SLC46A1: variants seen among roughly 807,000 people sequenced by gnomAD.
The protein encoded by SLC46A1 is solute carrier family 46 member 1, also known as proton-coupled folate transporter.
Under a neutral mutation model 32.1 loss-of-function variants are expected in SLC46A1, and 17 were observed. The observed-to-expected ratio is 0.53, with a 90% CI of 0.36 to 0.79. SLC46A1 has a LOEUF of 0.79. Ranked by LOEUF, SLC46A1 falls within the 30% of genes least tolerant of loss-of-function variation. SLC46A1 has a pLI of 0.00. For missense variants in SLC46A1, 517 were observed against 588.2 expected, an observed-to-expected ratio of 0.88 and a Z score of 1.25; for synonymous variants, 240 against 262.7, an observed-to-expected ratio of 0.91 and a Z score of 0.84.
Position 28,396,379 on chromosome 17 carries a change from C to A in SLC46A1, c.*3277G>T. On this transcript the variant is annotated 3_prime_UTR_variant, in exon 5 of 5. Transcript: ENST00000612814. ...TGAAACCAGTCTCCCTGGGCTGAGA[C>A]AACCTGGGCTCTTCTTAGGAAATGG... is the stretch of plus-strand genomic sequence containing the variant. 1.3e-6 allele frequency: 2 copies of A among 1,487,124 alleles called. No individual in the cohort carries two copies. Among genetic ancestry groups the A allele is most frequent in the Non-Finnish European group, 1.8e-6 (2 of 1,081,654 alleles). 92.1% of individuals were successfully genotyped at this position (1,487,124 alleles called of 1,614,324 possible). A position where few individuals can be genotyped will look rare whatever the true frequency, so the allele number is the denominator to read the frequency against.
At position 28,396,108 on chromosome 17, in the gene SLC46A1, A is replaced by G. The variant is rs781831508; in HGVS notation, c.*3548T>C. The G allele has an allele frequency of 1.2e-6, 2 of 1,613,738 alleles. No homozygotes were observed. The highest frequency in any genetic ancestry group is 1.7e-6 in the Non-Finnish European group (2 of 1,179,744). On this transcript the variant is annotated 3_prime_UTR_variant, in exon 5 of 5. Coordinates refer to ENST00000612814, the MANE Select transcript of SLC46A1 (RefSeq NM_080669.6). ...GAGTGTGGGCAAACAGCTGACTAGC[A>G]GCTCCCTCTGCCCAGCTGTCTGAAC...
Position 28,398,925 on chromosome 17 carries a change from A to C in SLC46A1, c.*731T>G, listed in dbSNP as rs1177052028. On this transcript the variant is annotated 3_prime_UTR_variant, in exon 5 of 5. Transcript: ENST00000612814. The stretch of plus-strand genomic sequence containing the variant: ...CCCACTTGGTACCAATCCACCAGGC[A>C]GCTCAGGGCTCCTGCCCAGCCCAGC... 1.3e-5 allele frequency: 2 copies of C among 152,286 alleles called. No homozygotes were observed. Among genetic ancestry groups the C allele is most frequent in the African/African-American group, 4.8e-5 (2 of 41,460 alleles). 9.4% of individuals were successfully genotyped at this position (152,286 alleles called of 1,614,324 possible).
In SLC46A1 at chr17:28,405,484, G is replaced by A. The variant is rs781794728; in HGVS notation, c.229-16C>T. ...TCTCCACTTCCTGTAGGGGCACAAT[G>A]ACCAGGGTGCGGTTCCTCACTCTGG... On this transcript the variant is annotated splice_polypyrimidine_tract_variant and intron_variant, in intron 1 of 4. Transcript: ENST00000612814. The A allele has an allele frequency of 5.6e-6, 9 of 1,594,720 alleles. No individual in the cohort carries two copies. In the East Asian group the frequency reaches 1.6e-4, roughly 28 times the overall value.
chr17:28,405,835 C>G, intron 1 of SLC46A1, 52 bp downstream of exon 1: 5 of 1,507,476 alleles, frequency 3.3e-6, no homozygotes, highest in Non-Finnish European at 4.5e-6. Flanking sequence ...CCGCTGCCCC[C>G]ACGCTCCAGA....
chr17:28,406,061 G>C lies in SLC46A1; in HGVS notation c.54C>G (p.Ala18=), dbSNP rs1224800929. The change falls in exon 1 of 5, where the codon GCC becomes GCG. Residue 18 remains alanine, a synonymous_variant. Transcript: ENST00000612814. This position sits in a 1 kb window ranked among gnomAD's most constrained non-coding sequence, Gnocchi z 4.5. ...GCTCTACCGGGCCCCGGCACAGCAC[G>C]GCAGCCGCAGGGCGGGCGCGGGGCT... The part of the protein sequence containing the change: ...PEKPRARPAA[A]VLCRGPVEPL... 2.5e-6 allele frequency: 4 copies of C among 1,598,768 alleles called. No homozygotes were observed. The highest frequency in any genetic ancestry group is 1.7e-5 in the Admixed American group (1 of 58,486).
At chr17:28,402,403 T>G in intron 2 of SLC46A1, 82 bp from the exon 3 acceptor site, 2 of 1,225,624 alleles carry the variant, frequency 1.6e-6, no homozygotes, top group Non-Finnish European at 1.2e-6. Context: ...CTCCTATCCA[T>G]ACCCCACGTG....
At position 28,395,778 on chromosome 17, in the gene SLC46A1, TG is replaced by T; in HGVS notation, c.*3877del. On this transcript the variant is annotated 3_prime_UTR_variant, in exon 5 of 5. Coordinates refer to ENST00000612814, the MANE Select transcript of SLC46A1 (RefSeq NM_080669.6). ...ACAAGGGTTAAGGTAGACATCAAGGTGGACATCAGGACTGGTGTCCTGCCCT... is the reference window on the plus strand; with the variant it reads ...ACAAGGGTTAAGGTAGACATCAAGGTGACATCAGGACTGGTGTCCTGCCCT... 3.3e-6 allele frequency: 3 copies of T among 911,814 alleles called. No individual in the cohort carries two copies. The highest frequency in any genetic ancestry group is 5.2e-6 in the Non-Finnish European group (3 of 576,952). The allele number at this position is 911,814 out of a possible 1,614,324, so 56.5% of individuals were successfully genotyped here.
Position 28,405,091 on chromosome 17 carries a change from C to T in SLC46A1, c.606G>A (p.Trp202Ter). The stretch of plus-strand genomic sequence containing the variant: ...GGTTGGCATAACCCTGGGCCCGGAG[C>T]CAGTGGCCCCCGAGGAGGCTTGCCA... ...GMLASLLGGH[W>*]LRAQGYANPF... The change falls in exon 2 of 5, where the codon TGG becomes TGA. Residue 202 changes from tryptophan to a stop codon, truncating the protein, a stop_gained. Coordinates refer to ENST00000612814, the MANE Select transcript of SLC46A1 (RefSeq NM_080669.6). LOFTEE classifies it high-confidence loss of function. The T allele has an allele frequency of 1.2e-6, 2 of 1,613,908 alleles. No individual in the cohort carries two copies. The highest frequency in any genetic ancestry group is 2.2e-5 in the East Asian group (1 of 44,872).
In SLC46A1 at chr17:28,405,356, C is replaced by G; in HGVS notation, c.341G>C (p.Arg114Pro). 2 of 1,585,540 alleles carry G rather than the reference C, an allele frequency of 1.3e-6. No homozygotes were observed. Among genetic ancestry groups the G allele is most frequent in the Non-Finnish European group, 1.7e-6 (2 of 1,166,842 alleles). Residue 114 changes from arginine (R) to proline (P), a missense_variant, in exon 2 of 5, where the codon CGC (arginine) becomes CCC (proline). Arg to Pro is a moderately radical substitution (Grantham distance 103). Coordinates refer to ENST00000612814, the MANE Select transcript of SLC46A1 (RefSeq NM_080669.6). ...LGAWSDSVGR[R>P]PLLVLASLGL... The stretch of plus-strand genomic sequence containing the variant: ...CAGCGAGGCCAGCACTAGCAGCGGG[C>G]GGCGGCCCACACTGTCGCTCCAAGC...
At chr17:28,400,906 A>G in intron 3 of SLC46A1, 140 bp from the exon 4 acceptor site, 1 of 761,684 alleles carries the variant, frequency 1.3e-6, no homozygotes, top group South Asian at 1.5e-5. Flanking sequence ...CTGCTACATC[A>G]TGTACTGTGA....
In SLC46A1 at chr17:28,406,196, T is replaced by C; in HGVS notation, c.-82A>G. 2.7e-6 allele frequency: 3 copies of C among 1,116,706 alleles called. No homozygotes were observed. Among genetic ancestry groups the C allele is most frequent in the Non-Finnish European group, 3.5e-6 (3 of 861,016 alleles). 69.2% of individuals were successfully genotyped at this position (1,116,706 alleles called of 1,614,324 possible). On this transcript the variant is annotated 5_prime_UTR_variant, in exon 1 of 5. Coordinates refer to ENST00000612814, the MANE Select transcript of SLC46A1 (RefSeq NM_080669.6). The surrounding 1 kb of genome is among the most constrained non-coding windows in gnomAD (Gnocchi z 4.5). ...TGCCTGGGACCAGCGACGCGTGGCG[T>C]GGGGCTTGCGCTGTCTGCGCCTGCG... is the stretch of plus-strand genomic sequence containing the variant.
At chr17:28,399,878 A>T in intron 4 of SLC46A1, 165 bp from the exon 5 acceptor site, 1 of 687,170 alleles carries the variant, frequency 1.5e-6, no homozygotes. Context: ...ATATCCAGGG[A>T]CATGGCTCTG....
chr17:28,404,111 A>G (rs2068226675), intron 2 of SLC46A1: 1 of 157,714 alleles, frequency 6.3e-6, no homozygotes, highest in Non-Finnish European at 1.4e-5. Context: ...GGAAGTGAGG[A>G]GGGAAAGGAG....
chr17:28,395,743 T>G lies in SLC46A1; in HGVS notation c.*3913A>C. On this transcript the variant is annotated 3_prime_UTR_variant, in exon 5 of 5. Transcript: ENST00000612814. ...TGGGCAAAGGAAAAATATTTATTTT[T>G]TATTACACTACAAGGGTTAAGGTAG... The G allele has an allele frequency of 2.9e-6, 2 of 681,324 alleles. 1 individual carries two copies. The highest frequency in any genetic ancestry group is 3.8e-5 in the South Asian group (2 of 52,876). 42.2% of individuals were successfully genotyped at this position (681,324 alleles called of 1,614,324 possible). A position where few individuals can be genotyped will look rare whatever the true frequency, so the allele number is the denominator to read the frequency against.
rs1174919246 is a variant in SLC46A1, at chr17:28,399,685, C to T, written c.1351G>A (p.Glu451Lys). 9 of 1,613,804 alleles carry T rather than the reference C, an allele frequency of 5.6e-6. No individual in the cohort carries two copies. The highest frequency in any genetic ancestry group is 7.6e-6 in the Non-Finnish European group (9 of 1,179,898). The stretch of plus-strand genomic sequence containing the variant: ...GGGCTCTGGGGAAACTGCTGGAACT[C>T]GAGGTGAGGATCAGCCTTTTCCAGC... ...GMLEKADPHL[E>K]FQQFPQSP is the part of the protein sequence containing the mutation. Residue 451 changes from glutamate (E) to lysine (K), a missense_variant, in exon 5 of 5, where the codon GAG (glutamate) becomes AAG (lysine). Transcript: ENST00000612814.
In SLC46A1 at chr17:28,399,108, C is replaced by A. The variant is rs1450180250; in HGVS notation, c.*548G>T. On this transcript the variant is annotated 3_prime_UTR_variant, in exon 5 of 5. Coordinates refer to ENST00000612814, the MANE Select transcript of SLC46A1 (RefSeq NM_080669.6). Reference sequence around the variant, plus strand: ...GAGTGGGTAGGCCATAGCCAAGGATCGATTCCCCAACCACAGCAAAGGCAA... The same window carrying A: ...GAGTGGGTAGGCCATAGCCAAGGATAGATTCCCCAACCACAGCAAAGGCAA... 1 of 154,060 alleles carries A rather than the reference C, an allele frequency of 6.5e-6. No individual in the cohort carries two copies. The highest frequency in any genetic ancestry group is 2.4e-5 in the African/African-American group (1 of 41,460). 9.5% of individuals were successfully genotyped at this position (154,060 alleles called of 1,614,324 possible). A position where few individuals can be genotyped will look rare whatever the true frequency, so the allele number is the denominator to read the frequency against.
At chr17:28,403,332 T>A (rs1053104719) in intron 2 of SLC46A1, 1 of 152,024 alleles carries the variant, frequency 6.6e-6, no homozygotes, top group African/African-American at 2.4e-5. Context: ...CAAATGGGAG[T>A]TCCTTTTCCC....
chr17:28,400,778 TA>T lies in SLC46A1; in HGVS notation c.1166-13del. On this transcript the variant is annotated splice_polypyrimidine_tract_variant and intron_variant, in intron 3 of 4. Transcript: ENST00000612814. Reference sequence around the variant, plus strand: ...AGAAAAGAGAGCACCTGTGAAGAAATAAATACCATACTCTGGAGTCCGAAAG... The same window carrying T: ...AGAAAAGAGAGCACCTGTGAAGAAATAATACCATACTCTGGAGTCCGAAAG... 1 of 1,554,884 alleles carries T rather than the reference TA, an allele frequency of 6.4e-7. No individual in the cohort carries two copies. The highest frequency in any genetic ancestry group is 8.7e-7 in the Non-Finnish European group (1 of 1,149,240).
At position 28,404,957 on chromosome 17, in the gene SLC46A1, T is replaced by G; in HGVS notation, c.740A>C (p.His247Pro). ...ATAGAGCTGGACAATGGATCGGTGG[T>G]GACGGAACGTGAAGAGCCGGGTGGA... ...PKSTRLFTFRHHRSIVQLYVA... is the reference protein window; with the variant it reads ...PKSTRLFTFRPHRSIVQLYVA... Residue 247 changes from histidine (H) to proline (P), a missense_variant, in exon 2 of 5, where the codon CAC becomes CCC. His to Pro is a moderately conservative substitution (Grantham distance 77). Coordinates refer to ENST00000612814, the MANE Select transcript of SLC46A1 (RefSeq NM_080669.6). 1 of 1,614,010 alleles carries G rather than the reference T, an allele frequency of 6.2e-7. No homozygotes were observed. The highest frequency in any genetic ancestry group is 8.5e-7 in the Non-Finnish European group (1 of 1,179,900).
Sources: allele counts gnomAD v4.1 joint callset, GRCh38; gene constraint gnomAD v4.1.1; non-coding constraint Gnocchi (gnomAD v3.1); transcripts MANE v1.5; gene names NCBI Gene and HGNC (gene_info 2026-07-23, HGNC 2026-07-21).